NPAS3: variants seen among roughly 807,000 people sequenced by gnomAD.
The protein encoded by NPAS3 is neuronal PAS domain-containing protein 3.
NPAS3 carries 14 observed loss-of-function variants against 73.1 expected under a neutral mutation model. The observed-to-expected ratio is 0.19, with a 90% CI of 0.13 to 0.30. The LOEUF is 0.30. Ranked by LOEUF, NPAS3 falls within the 10% of genes least tolerant of loss-of-function variation. The pLI is 1.00. For synonymous variants in NPAS3, 620 were observed against 541.5 expected (o/e 1.14, Z -2.01); for missense variants, 1,096 against 1,250.0 (o/e 0.88, Z 1.86).
At chr14:33,500,251 C>A (rs1348774602) in intron 4 of NPAS3, among the ~76,000 whole-genome samples, 3 of 151,696 alleles carry the variant, frequency 2.0e-5, no homozygotes, top group African/African-American at 7.3e-5. Flanking sequence ...CTAGGAAGGG[C>A]GGGGTTGGGA....
chr14:33,463,924 C>T (rs561629163), intron 4 of NPAS3, among the ~76,000 whole-genome samples: 1 of 152,196 alleles, frequency 6.6e-6, no homozygotes, highest in African/African-American at 2.4e-5. Flanking sequence ...GTGGTCAGTC[C>T]TCAGTTGAGG....
At chr14:33,774,059 G>A (rs916055955) in intron 7 of NPAS3, among the ~76,000 whole-genome samples, 5 of 151,956 alleles carry the variant, frequency 3.3e-5, no homozygotes, top group Non-Finnish European at 5.9e-5. Flanking sequence ...ATTTTATTTG[G>A]TTATGAGTTT....
At chr14:33,571,879 A>AGT (rs1239605696) in intron 5 of NPAS3, among the ~76,000 whole-genome samples, 7 of 152,204 alleles carry the variant, frequency 4.6e-5, no homozygotes, top group Non-Finnish European at 1.0e-4. Context: ...AGGGTACTGA[A>AGT]GTGCTGTATA....
chr14:33,566,867 G>A (rs1024262354), intron 5 of NPAS3, among the ~76,000 whole-genome samples: 1 of 152,136 alleles, frequency 6.6e-6, no homozygotes, highest in African/African-American at 2.4e-5. Flanking sequence ...TTAAAATTAT[G>A]TAACAATGAC....
intron 1 of NPAS3, among the ~76,000 whole-genome samples, chr14:32,959,651 C>T (rs1220228317): frequency 1.3e-5 from 2 of 152,186 alleles, no homozygotes; most frequent in Non-Finnish European, 1.5e-5. Flanking sequence ...GGAGTGAGCA[C>T]TTTCACGTAG....
chr14:33,149,647 G>A (rs1315977296), intron 2 of NPAS3, among the ~76,000 whole-genome samples: 3 of 152,046 alleles, frequency 2.0e-5, no homozygotes, highest in African/African-American at 7.2e-5. Context: ...AACATATAGT[G>A]GGTACCTTGA....
At chr14:33,057,672 A>G (rs2138547661) in intron 2 of NPAS3, among the ~76,000 whole-genome samples, 1 of 152,302 alleles carries the variant, frequency 6.6e-6, no homozygotes, top group South Asian at 2.1e-4. Flanking sequence ...TGCTTTTTAA[A>G]GAATTGGTGT....
At chr14:33,483,319 T>C (rs1054818697) in intron 4 of NPAS3, among the ~76,000 whole-genome samples, 8 of 152,158 alleles carry the variant, frequency 5.3e-5, no homozygotes, top group Admixed American at 3.3e-4. Context: ...CCTAAATCAG[T>C]GTTGGGCTGC....
At chr14:33,413,631 G>A (rs1187101742) in intron 4 of NPAS3, among the ~76,000 whole-genome samples, 1 of 152,104 alleles carries the variant, frequency 6.6e-6, no homozygotes, top group Non-Finnish European at 1.5e-5. Flanking sequence ...CAGGCAGTGT[G>A]GCTGAAGTTC....
chr14:32,939,527 T>G (rs1411331128), intron 1 of NPAS3, among the ~76,000 whole-genome samples, 161 bp downstream of exon 1: 2 of 135,080 alleles, frequency 1.5e-5, no homozygotes, highest in Non-Finnish European at 3.1e-5. Context: ...CCGCGCATTG[T>G]CCCCGCGGCG....
intron 1 of NPAS3, among the ~76,000 whole-genome samples, chr14:32,955,920 A>G (rs1430143003): frequency 1.3e-5 from 2 of 152,130 alleles, no homozygotes; most frequent in East Asian, 1.9e-4. Flanking sequence ...GGGTTTCAAA[A>G]TTGAATTGTT....
intron 5 of NPAS3, among the ~76,000 whole-genome samples, chr14:33,639,826 G>A (rs1357724978): frequency 6.6e-6 from 1 of 152,170 alleles, no homozygotes; most frequent in Non-Finnish European, 1.5e-5. Flanking sequence ...AGTTTCCTCA[G>A]GAATTTAGTG....
At chr14:33,678,006 C>G (rs1566411092) in intron 6 of NPAS3, among the ~76,000 whole-genome samples, 1 of 152,198 alleles carries the variant, frequency 6.6e-6, no homozygotes, top group Non-Finnish European at 1.5e-5. Context: ...CCTCATGACT[C>G]AAACACGCAG....
intron 1 of NPAS3, among the ~76,000 whole-genome samples, chr14:32,967,715 G>A (rs1244794163): frequency 6.6e-6 from 1 of 151,812 alleles, no homozygotes; most frequent in Non-Finnish European, 1.5e-5. Flanking sequence ...GTAGAGAAAG[G>A]GGAGCTCTTA....
rs1334023505 is a variant in NPAS3 at position 33,383,481 on chromosome 14, C to T, written c.468+16213C>T. On this transcript the variant is annotated intron_variant, in intron 4 of 11. Transcript: ENST00000356141. Reference sequence around the variant, plus strand: ...CCTAGTAGGGTTAATGCATTATGCACCTAAGTCCCCATGCACCAATTCGAG... The same window carrying T: ...CCTAGTAGGGTTAATGCATTATGCATCTAAGTCCCCATGCACCAATTCGAG... 2.6e-5 allele frequency among the ~76,000 whole-genome samples: 4 copies of T among 152,256 alleles called. No homozygotes were observed. In the East Asian group the frequency reaches 5.8e-4, roughly 22 times the overall value.
chr14:33,800,389 G>A lies in NPAS3; in HGVS notation c.2082G>A (p.Pro694=). The change falls in exon 12 of 12, where the codon CCG becomes CCA. Residue 694 remains proline, a synonymous_variant. Transcript: ENST00000356141. This position sits in a 1 kb window ranked among gnomAD's most constrained non-coding sequence, Gnocchi z 6.5. ...CCAGCTCTGAGCACTTCCCGTCCCCGCAGGGCGGCGGCGGTGGGGGTGGCG... is the reference window on the plus strand; with the variant it reads ...CCAGCTCTGAGCACTTCCCGTCCCCACAGGGCGGCGGCGGTGGGGGTGGCG... The A allele has an allele frequency of 6.2e-7, 1 of 1,606,052 alleles. No homozygotes were observed. The highest frequency in any genetic ancestry group is 8.5e-7 in the Non-Finnish European group (1 of 1,177,656).
At position 33,169,396 on chromosome 14, in the gene NPAS3, C is replaced by T. The variant is rs1267552945; in HGVS notation, c.141-45786C>T. 3.3e-5 allele frequency among the ~76,000 whole-genome samples: 5 copies of T among 152,236 alleles called. No homozygotes were observed. In the South Asian group the frequency reaches 8.3e-4, roughly 25 times the overall value. ...CAGCCTGGCCAGCATGGCAAAACCCCCTCTCTACTAAAAATATGAAAATTA... is the reference window on the plus strand; with the variant it reads ...CAGCCTGGCCAGCATGGCAAAACCCTCTCTCTACTAAAAATATGAAAATTA... On this transcript the variant is annotated intron_variant, in intron 2 of 11. Coordinates refer to ENST00000356141, the Ensembl canonical transcript of NPAS3.
chr14:33,729,510 T>C (rs2061351098), intron 6 of NPAS3, among the ~76,000 whole-genome samples: 1 of 152,068 alleles, frequency 6.6e-6, no homozygotes, highest in Non-Finnish European at 1.5e-5. Context: ...GGGTCTCTCA[T>C]GAGGTTGCAA....
chr14:33,027,966 A>C (rs1463136279), intron 1 of NPAS3, among the ~76,000 whole-genome samples: 9 of 152,346 alleles, frequency 5.9e-5, no homozygotes, highest in East Asian at 3.9e-4. Flanking sequence ...TAGAAAAAAA[A>C]TCAAATACAT....
Sources: gnomAD v4.1 joint callset for allele counts (sites outside exome capture counted in the v4.1 genomes callset) on GRCh38, gnomAD v4.1.1 for gene constraint, Gnocchi (gnomAD v3.1) non-coding constraint, MANE v1.5 for transcripts, NCBI Gene and HGNC (gene_info 2026-07-23, HGNC 2026-07-21) for gene names.